Variants in PABPC4L observed in about 807,000 individuals in gnomAD.
PABPC4L encodes the protein poly(A) binding protein cytoplasmic 4 like, also known as polyadenylate-binding protein 4-like.
For missense variants in PABPC4L, 452 were observed against 451.4 expected (o/e 1.00, Z -0.01); for synonymous variants, 169 against 164.1 (o/e 1.03, Z -0.23).
At chr4:133,971,900 C>G in the PABPC4L span, among the ~76,000 whole-genome samples, 1 of 152,120 alleles carries the variant, frequency 6.6e-6, no homozygotes, top group Non-Finnish European at 1.5e-5. Flanking sequence ...GTAAAATATT[C>G]TTAATATGCC....
chr4:134,060,287 T>C, the PABPC4L span, among the ~76,000 whole-genome samples: 1 of 151,880 alleles, frequency 6.6e-6, no homozygotes, highest in Non-Finnish European at 1.5e-5. Flanking sequence ...CTGAAACTTG[T>C]AGGCAAGTCC....
the PABPC4L span, among the ~76,000 whole-genome samples, chr4:134,101,311 T>C: frequency 6.6e-6 from 1 of 151,608 alleles, no homozygotes; most frequent in Non-Finnish European, 1.5e-5. Context: ...TAAACTTTAA[T>C]AATATCAGAG....
At chr4:134,001,327 C>G in the PABPC4L span, among the ~76,000 whole-genome samples, 1 of 151,702 alleles carries the variant, frequency 6.6e-6, no homozygotes, top group African/African-American at 2.4e-5. Context: ...CCCATGGTAG[C>G]TAGGAAGTCA....
chr4:134,180,994 A>C, the PABPC4L span, among the ~76,000 whole-genome samples: 1 of 152,022 alleles, frequency 6.6e-6, no homozygotes, highest in African/African-American at 2.4e-5. Context: ...TATTCCAAAA[A>C]ATTGAGGAGG....
At chr4:134,132,061 G>A in the PABPC4L span, among the ~76,000 whole-genome samples, 1 of 151,826 alleles carries the variant, frequency 6.6e-6, no homozygotes, top group African/African-American at 2.4e-5. Flanking sequence ...ACAAAAATAA[G>A]CTCAAGATAA....
At chr4:134,029,546 A>G in the PABPC4L span, among the ~76,000 whole-genome samples, 3 of 152,106 alleles carry the variant, frequency 2.0e-5, no homozygotes, top group Non-Finnish European at 4.4e-5. Context: ...TGATTAGTAA[A>G]CATTGCTGTT....
At chr4:134,052,004 TA>T in the PABPC4L span, among the ~76,000 whole-genome samples, 4 of 151,870 alleles carry the variant, frequency 2.6e-5, 1 homozygote, top group Non-Finnish European at 5.9e-5. Flanking sequence ...ACGTTTCTTT[TA>T]AAAAAAGAAA....
At chr4:134,146,419 C>G in the PABPC4L span, among the ~76,000 whole-genome samples, 1 of 151,892 alleles carries the variant, frequency 6.6e-6, no homozygotes, top group African/African-American at 2.4e-5. Context: ...GGCTTTTTCA[C>G]TCCCTTAGTT....
the PABPC4L span, among the ~76,000 whole-genome samples, chr4:133,971,704 A>C: frequency 2.4e-3 from 369 of 152,286 alleles, 1 homozygote; most frequent in African/African-American, 8.2e-3. Context: ...TTCCAGAGTC[A>C]CAGGGCTTCT....
At chr4:134,169,041 G>T in the PABPC4L span, among the ~76,000 whole-genome samples, 1 of 151,976 alleles carries the variant, frequency 6.6e-6, no homozygotes, top group South Asian at 2.1e-4. Context: ...CAACATATAT[G>T]CAGAAACCTT....
chr4:134,089,988 C>A, the PABPC4L span, among the ~76,000 whole-genome samples: 1 of 152,002 alleles, frequency 6.6e-6, no homozygotes, highest in African/African-American at 2.4e-5. Flanking sequence ...CCCTCTGCAG[C>A]AAGAAAAGAG....
the PABPC4L span, among the ~76,000 whole-genome samples, chr4:134,182,285 T>C: frequency 2.0e-5 from 3 of 151,802 alleles, no homozygotes; most frequent in Non-Finnish European, 4.4e-5. Flanking sequence ...TGGAACATAA[T>C]AGAGAGCCCA....
At chr4:134,040,803 G>T in the PABPC4L span, among the ~76,000 whole-genome samples, 1 of 152,070 alleles carries the variant, frequency 6.6e-6, no homozygotes, top group African/African-American at 2.4e-5. Flanking sequence ...TACAGAATGG[G>T]AGAAAATTTT....
chr4:134,044,227 TG>T, the PABPC4L span, among the ~76,000 whole-genome samples: 3 of 151,578 alleles, frequency 2.0e-5, no homozygotes, highest in South Asian at 6.2e-4. Flanking sequence ...CCACTGCACC[TG>T]GTCTATAATG....
At chr4:134,088,080 C>A in the PABPC4L span, among the ~76,000 whole-genome samples, 4 of 152,030 alleles carry the variant, frequency 2.6e-5, no homozygotes, top group East Asian at 7.8e-4. Context: ...TTTTCTCTGA[C>A]AGATTTCTGT....
chr4:134,015,765 C>G, the PABPC4L span, among the ~76,000 whole-genome samples: 1 of 152,236 alleles, frequency 6.6e-6, no homozygotes, highest in Middle Eastern at 3.4e-3. Flanking sequence ...GCCTTTTTAT[C>G]CAAACAACTT....
At chr4:134,191,015 A>G in the PABPC4L span, among the ~76,000 whole-genome samples, 28 of 152,140 alleles carry the variant, frequency 1.8e-4, no homozygotes, top group Non-Finnish European at 3.8e-4. Flanking sequence ...CTGAATCTGT[A>G]AGGATTTTCT....
At chr4:133,992,224 G>T in the PABPC4L span, among the ~76,000 whole-genome samples, 1 of 152,210 alleles carries the variant, frequency 6.6e-6, no homozygotes, top group Non-Finnish European at 1.5e-5. Flanking sequence ...GGGAGTCTAA[G>T]ATGTTATAAT....
chr4:134,129,611 A>G, the PABPC4L span, among the ~76,000 whole-genome samples: 3 of 152,066 alleles, frequency 2.0e-5, no homozygotes, highest in Admixed American at 2.0e-4. Context: ...GAAATTTAAA[A>G]ATTTAAATTT....
Sources: allele counts gnomAD v4.1 joint callset (sites outside exome capture counted in the v4.1 genomes callset), GRCh38; gene constraint gnomAD v4.1.1; transcripts MANE v1.5; gene names NCBI Gene and HGNC (gene_info 2026-07-23, HGNC 2026-07-21).